Variants in DCLK1 observed in about 807,000 individuals in gnomAD.
DCLK1 encodes the protein doublecortin like kinase 1.
A neutral mutation model predicts 86.2 loss-of-function variants in DCLK1; 16 were observed. The ratio of observed to expected loss-of-function variants is 0.19; its 90% CI spans 0.13 to 0.28. DCLK1 has a LOEUF of 0.28. Ranked by LOEUF, DCLK1 falls within the 10% of genes least tolerant of loss-of-function variation. The pLI is 1.00. For missense variants in DCLK1, 590 were observed against 940.2 expected (o/e 0.63, Z 4.87); for synonymous variants, 369 against 370.5 (o/e 1.00, Z 0.05).
At position 35,790,545 on chromosome 13, in the gene DCLK1, T is replaced by C. The variant is rs954886615; in HGVS notation, c.2058+2821A>G. ...GTCCCATGGTAAAGGCGGTTTAAAA[T>C]ACATTATTTTATAGCCTCTGGGGAG... On this transcript the variant is annotated intron_variant, in intron 16 of 16. Transcript: ENST00000360631. Among the ~76,000 whole-genome samples, 4 of 152,200 alleles carry C rather than the reference T, an allele frequency of 2.6e-5. No homozygotes were observed. In the East Asian group the frequency reaches 7.7e-4, roughly 29 times the overall value.
In DCLK1 at chr13:35,842,163, A is replaced by G. The variant is rs1869849082; in HGVS notation, c.1036-2987T>C. ...AGAATGGCGTGAATCCAGGAGGCGG[A>G]GCTTGCAGTGAGCCGAGATCGCGCC... On this transcript the variant is annotated intron_variant, in intron 6 of 16. Transcript: ENST00000360631. Among the ~76,000 whole-genome samples, 2 of 129,512 alleles carry G rather than the reference A, an allele frequency of 1.5e-5. 1 individual carries two copies. The highest frequency in any genetic ancestry group is 5.9e-5 in the African/African-American group (2 of 34,048). 85.0% of individuals were successfully genotyped at this position (129,512 alleles called of 152,430 possible).
At chr13:35,824,366 G>A (rs1309124635) in intron 10 of DCLK1, among the ~76,000 whole-genome samples, 1 of 151,986 alleles carries the variant, frequency 6.6e-6, no homozygotes, top group Non-Finnish European at 1.5e-5. Context: ...TTTTTGTAGA[G>A]ATGAGGCTTC....
intron 6 of DCLK1, among the ~76,000 whole-genome samples, chr13:35,840,195 C>T (rs1303240253): frequency 2.0e-5 from 3 of 152,200 alleles, no homozygotes; most frequent in Non-Finnish European, 4.4e-5. Context: ...TATTTTTCCT[C>T]TGCTTACCTG....
intron 4 of DCLK1, among the ~76,000 whole-genome samples, chr13:35,923,503 G>C (rs1875927657): frequency 6.6e-6 from 1 of 152,000 alleles, no homozygotes; most frequent in Admixed American, 6.6e-5. Context: ...CCAATTCTGT[G>C]GGTGTCAGGA....
intron 5 of DCLK1, among the ~76,000 whole-genome samples, chr13:35,868,637 G>T (rs1292843975): frequency 6.6e-6 from 1 of 151,978 alleles, no homozygotes; most frequent in South Asian, 2.1e-4. Flanking sequence ...TAATTGATAC[G>T]GTTTCATTAA....
rs1884736109 is a variant in DCLK1, at chr13:36,089,387, C to T, written c.723+22482G>A. On this transcript the variant is annotated intron_variant, in intron 3 of 16. Coordinates refer to ENST00000360631, the MANE Select transcript of DCLK1 (RefSeq NM_001330071.2). Reference sequence around the variant, plus strand: ...GCACAGGCTTTCCTCAATCTATGTGCTTTGTGCAGTTAATATAACTCTATT... The same window carrying T: ...GCACAGGCTTTCCTCAATCTATGTGTTTTGTGCAGTTAATATAACTCTATT... Among the ~76,000 whole-genome samples the T allele has an allele frequency of 2.6e-5, 4 of 152,168 alleles. No individual in the cohort carries two copies. The South Asian group carries it at 6.2e-4, about 24-fold the overall frequency.
chr13:36,042,732 A>C (rs150560012), intron 3 of DCLK1, among the ~76,000 whole-genome samples: 25 of 152,288 alleles, frequency 1.6e-4, no homozygotes, highest in African/African-American at 5.8e-4. Context: ...TATGGTTCTG[A>C]CTCACACACT....
intron 4 of DCLK1, among the ~76,000 whole-genome samples, chr13:35,887,877 T>TAAA (rs1873380480): frequency 4.7e-5 from 1 of 21,282 alleles, no homozygotes; most frequent in Non-Finnish European, 8.8e-5. Flanking sequence ...AGATCTTGTC[T>TAAA]CAAAAAAAAA....
chr13:36,026,699 C>G (rs892424326), intron 3 of DCLK1, among the ~76,000 whole-genome samples: 1 of 152,096 alleles, frequency 6.6e-6, no homozygotes, highest in South Asian at 2.1e-4. Context: ...TTTTGGCAAA[C>G]GTTTTTGCAT....
intron 5 of DCLK1, among the ~76,000 whole-genome samples, chr13:35,866,692 A>G (rs1418143099): frequency 6.6e-6 from 1 of 151,598 alleles, no homozygotes; most frequent in African/African-American, 2.4e-5. Flanking sequence ...TACAGGCATG[A>G]GCCACCACAC....
chr13:35,774,321 T>G lies in DCLK1; in HGVS notation c.*214A>C, dbSNP rs2086383292. On this transcript the variant is annotated 3_prime_UTR_variant, in exon 17 of 17. Transcript: ENST00000360631. The stretch of plus-strand genomic sequence containing the variant: ...AAATTGGCCTTAACCCTTTGAGGAC[T>G]CTATTAGCAGCAAATTACCATCTTC... 9.4e-6 allele frequency: 6 copies of G among 638,384 alleles called. No homozygotes were observed. The highest frequency in any genetic ancestry group is 1.5e-5 in the Non-Finnish European group (6 of 392,910). The allele number at this position is 638,384 out of a possible 1,614,324, so 39.5% of individuals were successfully genotyped here.
chr13:35,848,004 T>TA, intron 6 of DCLK1: 2 of 985,284 alleles, frequency 2.0e-6, no homozygotes, highest in South Asian at 9.4e-5. Flanking sequence ...TTTGCACTTC[T>TA]AAAATGCTGA....
intron 4 of DCLK1, among the ~76,000 whole-genome samples, chr13:35,946,069 TGGCACAATCAG>T (rs2153132990): frequency 6.6e-6 from 1 of 152,310 alleles, no homozygotes; most frequent in Non-Finnish European, 1.5e-5. Context: ...CCAAGTACAG[TGGCACAATCAG>T]GGCTCACTGC....
Position 35,820,698 on chromosome 13 carries a change from C to T in DCLK1, c.1554+2031G>A, listed in dbSNP as rs375419354. ...GTAAGTCTGTTCCCATGAGACAATC[C>T]TACATAATTCAAGACACAGGAAAAA... On this transcript the variant is annotated intron_variant, in intron 11 of 16. Transcript: ENST00000360631. Among the ~76,000 whole-genome samples the T allele has an allele frequency of 6.0e-4, 92 of 152,218 alleles. No homozygotes were observed. The South Asian group carries it at 0.017, about 29-fold the overall frequency.
At chr13:35,795,371 A>G (rs1417599389) in intron 15 of DCLK1, among the ~76,000 whole-genome samples, 3 of 152,166 alleles carry the variant, frequency 2.0e-5, no homozygotes, top group African/African-American at 4.8e-5. Context: ...ATAAATGAAT[A>G]CCCAAAAGAT....
At chr13:35,830,867 T>C (rs1249351386) in intron 8 of DCLK1, among the ~76,000 whole-genome samples, 2 of 152,236 alleles carry the variant, frequency 1.3e-5, no homozygotes, top group Non-Finnish European at 2.9e-5. Flanking sequence ...GTTTCTTAGC[T>C]TGGTGATTTC....
At chr13:36,115,298 T>C (rs1885743750) in intron 2 of DCLK1, among the ~76,000 whole-genome samples, 1 of 151,628 alleles carries the variant, frequency 6.6e-6, no homozygotes, top group Admixed American at 6.6e-5. Flanking sequence ...TAACTTCTAC[T>C]GCAACAATGA....
rs138327200 is a variant in DCLK1 at position 35,935,720 on chromosome 13, T to A, written c.823+11638A>T. On this transcript the variant is annotated intron_variant, in intron 4 of 16. Transcript: ENST00000360631. ...GGAGTCAGGGTTAGAGATGTATACC[T>A]CAAAGGGGGTACATTTAAAGATTAA... Among the ~76,000 whole-genome samples, 398 of 152,314 alleles carry A rather than the reference T, an allele frequency of 2.6e-3. 2 individuals carry two copies. The highest frequency in any genetic ancestry group is 9.0e-3 in the African/African-American group (373 of 41,572).
intron 3 of DCLK1, among the ~76,000 whole-genome samples, chr13:36,045,944 T>A (rs1882900516): frequency 6.6e-6 from 1 of 152,174 alleles, no homozygotes; most frequent in African/African-American, 2.4e-5. Context: ...CACTTTAACT[T>A]TCTTAGTACA....
Sources: gnomAD v4.1 joint callset for allele counts (sites outside exome capture counted in the v4.1 genomes callset) on GRCh38, gnomAD v4.1.1 for gene constraint, MANE v1.5 for transcripts, NCBI Gene and HGNC (gene_info 2026-07-23, HGNC 2026-07-21) for gene names.